TENM3: variants seen among roughly 807,000 people sequenced by gnomAD.
TENM3 encodes the protein teneurin-3.
Under a neutral mutation model 255.1 loss-of-function variants are expected in TENM3, and 63 were observed. The observed-to-expected ratio is 0.25, with a 90% confidence interval of 0.20 to 0.30. TENM3 has a LOEUF of 0.30. TENM3 is among the 10% of genes least tolerant of loss of function. TENM3 has a pLI of 1.00. For missense variants in TENM3, 2,929 were observed against 3,461.1 expected, an observed-to-expected ratio of 0.85 and a Z score of 3.86; for synonymous variants, 1,306 against 1,322.3, an observed-to-expected ratio of 0.99 and a Z score of 0.27.
At chr4:182,795,099 CCT>C (rs1766405213) in intron 26 of TENM3, among the ~76,000 whole-genome samples, 1 of 152,166 alleles carries the variant, frequency 6.6e-6, no homozygotes. Flanking sequence ...CAGGTTGCCC[CCT>C]GTTCATTTCA....
chr4:182,478,534 G>A (rs1453514326), intron 3 of TENM3, among the ~76,000 whole-genome samples: 2 of 150,956 alleles, frequency 1.3e-5, no homozygotes, highest in Non-Finnish European at 3.0e-5. Context: ...AGATTTTTTT[G>A]TAGCCCTCAC....
At chr4:182,166,421 T>C (rs1751728582) in intron 1 of TENM3, among the ~76,000 whole-genome samples, 1 of 152,162 alleles carries the variant, frequency 6.6e-6, no homozygotes, top group Non-Finnish European at 1.5e-5. Context: ...GTCATGGCCA[T>C]TCTGCACAGG....
the TENM3 span, among the ~76,000 whole-genome samples, chr4:181,823,852 T>A: frequency 3.3e-5 from 5 of 152,190 alleles, no homozygotes; most frequent in African/African-American, 1.2e-4. Context: ...TTGATAGGTT[T>A]ACTGCAGTTG....
chr4:181,687,799 G>A, the TENM3 span, among the ~76,000 whole-genome samples: 4 of 152,104 alleles, frequency 2.6e-5, no homozygotes, highest in Admixed American at 6.6e-5. Context: ...GCCACAGAAG[G>A]CACTGACCTC....
chr4:182,793,428 C>G lies in TENM3; in HGVS notation c.6756C>G (p.Asp2252Glu). Residue 2252 changes from aspartate (D) to glutamate (E), a missense_variant, in exon 26 of 28, where the codon GAC becomes GAG. Asp to Glu is a conservative substitution (Grantham distance 45). Around this residue, in one of 6 missense-constraint regions of TENM3, gnomAD observed 256 missense variants for 389.3 expected, o/e 0.66. Transcript: ENST00000511685. This position sits in a 1 kb window ranked among gnomAD's most constrained non-coding sequence, Gnocchi z 5.7. ...LGQHLQFFYADLTYPTRITHV... is the reference protein window; with the variant it reads ...LGQHLQFFYAELTYPTRITHV... ...AGCACCTGCAGTTTTTTTATGCTGA[C>G]TTAACTTATCCCACTAGGATTACTC... The G allele has an allele frequency of 1.2e-6, 2 of 1,613,942 alleles. No homozygotes were observed. Among genetic ancestry groups the G allele is most frequent in the East Asian group, 4.5e-5 (2 of 44,878 alleles).
the TENM3 span, among the ~76,000 whole-genome samples, chr4:181,915,677 G>A: frequency 1.3e-5 from 2 of 149,028 alleles, no homozygotes; most frequent in East Asian, 2.0e-4. Flanking sequence ...GAGGACGGAA[G>A]GGGAGGGGAA....
rs570167027 is a variant in TENM3 at position 182,185,294 on chromosome 4, A to G, written c.-76+40540A>G. On this transcript the variant is annotated intron_variant, in intron 1 of 2. Transcript: ENST00000512480. ...CGGCTTCTGATCAGCAACTGAACAA[A>G]GTTTTAAGTTGAAGGCACCATAGCA... is the stretch of plus-strand genomic sequence containing the variant. Among the ~76,000 whole-genome samples, 147 of 152,312 alleles carry G rather than the reference A, an allele frequency of 9.7e-4. 3 individuals carry two copies. The highest frequency in any genetic ancestry group is 3.4e-3 in the Middle Eastern group (1 of 294).
chr4:182,178,050 T>C (rs763712942), intron 1 of TENM3, among the ~76,000 whole-genome samples: 32 of 148,316 alleles, frequency 2.2e-4, no homozygotes, highest in Non-Finnish European at 4.0e-4. Context: ...ATCTTCCTAA[T>C]AGATTATCAG....
the TENM3 span, among the ~76,000 whole-genome samples, chr4:181,743,534 G>A: frequency 6.6e-6 from 1 of 152,098 alleles, no homozygotes; most frequent in Non-Finnish European, 1.5e-5. Context: ...CAGATACCTG[G>A]GGAAATCATT....
chr4:182,620,918 G>A (rs1334008627), intron 4 of TENM3, among the ~76,000 whole-genome samples: 3 of 151,980 alleles, frequency 2.0e-5, no homozygotes, highest in East Asian at 1.9e-4. Context: ...TTTTTATCAC[G>A]CCTGTAATCC....
the TENM3 span, among the ~76,000 whole-genome samples, chr4:182,097,998 A>G: frequency 6.6e-6 from 1 of 152,206 alleles, no homozygotes; most frequent in African/African-American, 2.4e-5. Flanking sequence ...AATCCCAAAG[A>G]ATCCAATGTT....
At chr4:182,604,954 A>G (rs1748264661) in intron 4 of TENM3, among the ~76,000 whole-genome samples, 2 of 152,220 alleles carry the variant, frequency 1.3e-5, no homozygotes, top group African/African-American at 4.8e-5. Flanking sequence ...ACGTCGTTAA[A>G]AAAACAGAAT....
At chr4:182,001,128 A>G in the TENM3 span, among the ~76,000 whole-genome samples, 2 of 151,430 alleles carry the variant, frequency 1.3e-5, no homozygotes, top group African/African-American at 4.9e-5. Flanking sequence ...ATCCCTATCT[A>G]AAGTGTCTCA....
the TENM3 span, among the ~76,000 whole-genome samples, chr4:181,712,473 C>A: frequency 6.6e-6 from 1 of 152,298 alleles, no homozygotes; most frequent in East Asian, 1.9e-4. Flanking sequence ...TTCCTGAGGG[C>A]TCCCCAGAAG....
chr4:182,303,084 C>T (rs752669640), intron 1 of TENM3, among the ~76,000 whole-genome samples: 42 of 151,812 alleles, frequency 2.8e-4, no homozygotes, highest in Non-Finnish European at 2.9e-5. Context: ...ATGGGAATTG[C>T]GGCATTCTCG....
chr4:181,847,329 C>A, the TENM3 span, among the ~76,000 whole-genome samples: 1 of 152,166 alleles, frequency 6.6e-6, no homozygotes, highest in Non-Finnish European at 1.5e-5. Flanking sequence ...TCACTATTTT[C>A]TTTTAAGTAA....
intron 6 of TENM3, among the ~76,000 whole-genome samples, chr4:182,665,874 C>T (rs961745189): frequency 1.3e-5 from 2 of 151,782 alleles, no homozygotes; most frequent in South Asian, 2.1e-4. Flanking sequence ...CCAGCCTGGG[C>T]GACAGACAGA....
At chr4:182,071,724 A>G in the TENM3 span, among the ~76,000 whole-genome samples, 1 of 152,182 alleles carries the variant, frequency 6.6e-6, no homozygotes, top group African/African-American at 2.4e-5. Context: ...TTATGCTATG[A>G]ACATTCGAAT....
At chr4:182,603,268 A>G (rs1350208722) in intron 4 of TENM3, among the ~76,000 whole-genome samples, 1 of 152,214 alleles carries the variant, frequency 6.6e-6, no homozygotes, top group African/African-American at 2.4e-5. Flanking sequence ...AAGTAATGCC[A>G]TTAATGAATC....
Sources: allele counts gnomAD v4.1 joint callset (sites outside exome capture counted in the v4.1 genomes callset), GRCh38; gene constraint gnomAD v4.1.1; regional missense constraint gnomAD v4.1.1; non-coding constraint Gnocchi (gnomAD v3.1); transcripts MANE v1.5; gene names NCBI Gene and HGNC (gene_info 2026-07-23, HGNC 2026-07-21).